PER3: variants seen among roughly 807,000 people sequenced by gnomAD.
PER3 encodes the protein period circadian protein homolog 3.
In PER3, 107 loss-of-function variants were observed where a neutral mutation model predicts 127.2. That is an observed-to-expected ratio of 0.84 (90% CI 0.72 to 0.99). PER3 has a LOEUF of 0.99. Ranked by LOEUF, PER3 falls within the 50% of genes least tolerant of loss-of-function variation. PER3 has a pLI of 0.00. For synonymous variants in PER3, 618 were observed against 585.8 expected (o/e 1.05, Z -0.79); for missense variants, 1,560 against 1,525.8 (o/e 1.02, Z -0.37).
intron 5 of PER3, 168 bp downstream of exon 5, chr1:7,788,414 G>T: frequency 1.7e-6 from 1 of 597,218 alleles, no homozygotes; most frequent in Non-Finnish European, 3.0e-6. Context: ...AAAAGCTTCT[G>T]ATAACATACT....
intron 2 of PER3, 95 bp from the exon 3 acceptor site, chr1:7,785,346 C>CT: frequency 2.0e-6 from 2 of 987,696 alleles, no homozygotes; most frequent in Non-Finnish European, 3.1e-6. Flanking sequence ...CGGTAGAGCA[C>CT]TTAGAAACTT....
chr1:7,842,747 A>G lies in PER3; in HGVS notation c.3625A>G (p.Ser1209Gly). 1 of 1,612,994 alleles carries G rather than the reference A, an allele frequency of 6.2e-7. No homozygotes were observed. The highest frequency in any genetic ancestry group is 8.5e-7 in the Non-Finnish European group (1 of 1,179,200). ...TSCGQVLVED[S>G]C ...CTGTGGTCAGGTTCTGGTAGAAGAC[A>G]GCTGTTGAGTGACTGTGAGGATGAA... Residue 1209 changes from serine to glycine, a missense_variant, in exon 22 of 22, where the codon AGC (serine) becomes GGC (glycine). Around this residue, in one of 3 missense-constraint regions of PER3, gnomAD observed 199 missense variants for 198.6 expected, o/e 1.00. Transcript: ENST00000377532.
chr1:7,787,889 G>A, intron 4 of PER3, 156 bp from the exon 5 acceptor site: 1 of 624,854 alleles, frequency 1.6e-6, no homozygotes, highest in Non-Finnish European at 2.8e-6. Flanking sequence ...GAAGCATGTT[G>A]GAGAAAATTA....
chr1:7,793,923 G>A, intron 5 of PER3, 34 bp from the exon 6 acceptor site: 1 of 1,584,160 alleles, frequency 6.3e-7, no homozygotes, highest in Non-Finnish European at 8.7e-7. Flanking sequence ...ACCTGGATAA[G>A]AGGGAGTGAC....
rs556110298 is a variant in PER3 at position 7,817,897 on chromosome 1, A to G, written c.1523-1388A>G. ...CATATTATTTATTACATTGTAAAAT[A>G]GTAACTTTACACAGGACAAACAAAC... is the stretch of plus-strand genomic sequence containing the variant. On this transcript the variant is annotated intron_variant, in intron 13 of 21. Transcript: ENST00000377532. Among the ~76,000 whole-genome samples the G allele has an allele frequency of 5.9e-5, 9 of 152,336 alleles. No homozygotes were observed. The East Asian group carries it at 1.5e-3, about 26-fold the overall frequency.
Position 7,801,182 on chromosome 1 carries a change from T to C in PER3, c.863T>C (p.Val288Ala). The C allele has an allele frequency of 6.3e-7, 1 of 1,575,098 alleles. No individual in the cohort carries two copies. The highest frequency in any genetic ancestry group is 1.4e-5 in the African/African-American group (1 of 73,878). The change falls in exon 8 of 22, where the codon GTA (valine) becomes GCA (alanine). Residue 288 changes from valine (V) to alanine (A), a missense_variant. Val to Ala is a moderately conservative substitution (Grantham distance 64, BLOSUM62 0). Around this residue, in one of 3 missense-constraint regions of PER3, gnomAD observed 1,332 missense variants for 1,223.6 expected, o/e 1.09. Transcript: ENST00000377532. ...ACCCCAGGGTGTGTTTTTCTTGAAG[T>C]AGATGAAAAGTAAGTACTTCTTTAA... The part of the protein sequence containing the change: ...THTPGCVFLE[V>A]DEKAVPLLGY...
chr1:7,793,275 C>T (rs2097130139), intron 5 of PER3, among the ~76,000 whole-genome samples: 1 of 152,156 alleles, frequency 6.6e-6, no homozygotes, highest in South Asian at 2.1e-4. Context: ...TCAGTCCCCT[C>T]ATCTCCTAAG....
chr1:7,816,397 T>C (rs1199585304), intron 13 of PER3, among the ~76,000 whole-genome samples: 2 of 152,298 alleles, frequency 1.3e-5, no homozygotes, highest in East Asian at 3.9e-4. Flanking sequence ...ACCCTGAACG[T>C]ACCCAATCTT....
intron 6 of PER3, among the ~76,000 whole-genome samples, chr1:7,794,491 CA>C (rs1043881138): frequency 6.6e-6 from 1 of 150,664 alleles, no homozygotes; most frequent in Non-Finnish European, 1.5e-5. Flanking sequence ...GACTCTGTCT[CA>C]AAAAAAATAA....
At chr1:7,840,641 A>C (rs1305700907) in intron 21 of PER3, among the ~76,000 whole-genome samples, 2 of 133,716 alleles carry the variant, frequency 1.5e-5, no homozygotes, top group Non-Finnish European at 3.2e-5. Flanking sequence ...TCTTTTTTTT[A>C]AGACAGTCTC....
chr1:7,821,317 G>T (rs1577866216), intron 16 of PER3, among the ~76,000 whole-genome samples: 1 of 152,194 alleles, frequency 6.6e-6, no homozygotes, highest in East Asian at 1.9e-4. Context: ...AGCCATTTCT[G>T]TGTGCCACTG....
rs1403141361 is a variant in PER3, at chr1:7,809,945, C to T, written c.1295C>T (p.Ser432Leu). ...SGYGSLGSSGSQEQLVSIASS... is the reference protein window; with the variant it reads ...SGYGSLGSSGLQEQLVSIASS... ...TACGGGAGCCTGGGGAGCAGCGGGT[C>T]GCAGGAGCAGCTTGTCAGCATCGCC... Residue 432 changes from serine to leucine, a missense_variant, in exon 12 of 22, where the codon TCG becomes TTG. Physicochemically the swap from Ser to Leu is moderately radical, Grantham distance 145. Transcript: ENST00000377532. 6 of 1,613,856 alleles carry T rather than the reference C, an allele frequency of 3.7e-6. No homozygotes were observed. Among genetic ancestry groups the T allele is most frequent in the African/African-American group, 1.3e-5 (1 of 74,916 alleles).
chr1:7,797,229 C>T (rs767777373), intron 6 of PER3, among the ~76,000 whole-genome samples: 32 of 152,158 alleles, frequency 2.1e-4, no homozygotes, highest in Non-Finnish European at 4.4e-4. Flanking sequence ...TCGGCAGCAC[C>T]GGGACACAGC....
intron 19 of PER3, among the ~76,000 whole-genome samples, chr1:7,834,084 A>T (rs569639017): frequency 6.6e-6 from 1 of 151,924 alleles, no homozygotes; most frequent in African/African-American, 2.4e-5. Flanking sequence ...CACCACGCCT[A>T]ATTTTTTGTA....
intron 10 of PER3, among the ~76,000 whole-genome samples, chr1:7,807,498 G>C (rs1273403392): frequency 6.6e-6 from 1 of 152,204 alleles, no homozygotes; most frequent in Non-Finnish European, 1.5e-5. Context: ...GCATGTATCA[G>C]TTGAGAAACG....
At chr1:7,834,342 T>C (rs1008500926) in intron 19 of PER3, among the ~76,000 whole-genome samples, 2 of 152,224 alleles carry the variant, frequency 1.3e-5, no homozygotes, top group African/African-American at 4.8e-5. Context: ...CCTTTGTCTT[T>C]TGTGCTATTT....
chr1:7,843,992 A>G lies in PER3; in HGVS notation c.*1237A>G. On this transcript the variant is annotated 3_prime_UTR_variant, in exon 22 of 22. Transcript: ENST00000377532. The stretch of plus-strand genomic sequence containing the variant: ...ACAAATAGAAGAAAATGAGGGTTAC[A>G]GTAACCTGTTGTCTTTATATAACTT... 8.0e-7 allele frequency: 1 copy of G among 1,242,648 alleles called. No individual in the cohort carries two copies. The highest frequency in any genetic ancestry group is 1.0e-6 in the Non-Finnish European group (1 of 960,270). The allele number at this position is 1,242,648 out of a possible 1,614,324, so 77.0% of individuals were successfully genotyped here.
chr1:7,792,804 G>A (rs986020405), intron 5 of PER3, among the ~76,000 whole-genome samples: 20 of 152,206 alleles, frequency 1.3e-4, no homozygotes, highest in Admixed American at 6.5e-5. Flanking sequence ...TTAGAAACAA[G>A]CATCACATAT....
chr1:7,834,197 G>T (rs1002326295), intron 19 of PER3, among the ~76,000 whole-genome samples: 2 of 152,194 alleles, frequency 1.3e-5, no homozygotes, highest in African/African-American at 4.8e-5. Flanking sequence ...TGGCATTACA[G>T]GTGTGAGCCA....
Sources: gnomAD v4.1 joint callset for allele counts (sites outside exome capture counted in the v4.1 genomes callset) on GRCh38, gnomAD v4.1.1 for gene constraint, gnomAD v4.1.1 regional missense constraint, MANE v1.5 for transcripts, NCBI Gene and HGNC (gene_info 2026-07-23, HGNC 2026-07-21) for gene names.